The following ARHGAP26 variants were observed in gnomAD, a reference collection of about 807,000 sequenced individuals.
ARHGAP26 encodes the protein Rho GTPase activating protein 26, also known as rho GTPase-activating protein 26.
Under a neutral mutation model 104.8 loss-of-function variants are expected in ARHGAP26, and 38 were observed. The ratio of observed to expected loss-of-function variants is 0.36; its 90% CI spans 0.28 to 0.48. The LOEUF is 0.48. Among genes scored for constraint, ARHGAP26 ranks in the 20% least tolerant of loss-of-function variants. The probability of loss-of-function intolerance (pLI) is 0.99; values close to 1 mark genes in which losing one functional copy is unlikely to be tolerated. For synonymous variants in ARHGAP26, 341 were observed against 340.0 expected (o/e 1.00, Z -0.03); for missense variants, 704 against 947.9 (o/e 0.74, Z 3.38).
At chr5:143,066,367 G>A (rs1163867973) in intron 17 of ARHGAP26, among the ~76,000 whole-genome samples, 1 of 152,230 alleles carries the variant, frequency 6.6e-6, no homozygotes, top group East Asian at 1.9e-4. Flanking sequence ...GTTAAGCGAT[G>A]CGTGACTATA....
rs1191481192 is a variant in ARHGAP26 at position 143,228,199 on chromosome 5, A to G, written c.*5753A>G. The G allele has an allele frequency of 8.9e-6, 2 of 225,296 alleles. No homozygotes were observed. The highest frequency in any genetic ancestry group is 2.2e-5 in the African/African-American group (1 of 44,940). The allele number at this position is 225,296 out of a possible 1,614,324, so 14.0% of individuals were successfully genotyped here. A position where few individuals can be genotyped will look rare whatever the true frequency, so the allele number is the denominator to read the frequency against. ...ATCCAGATGCCAGAATCAACCTTGTATCTGACAATGCACATCTGTTGATTC... is the reference window on the plus strand; with the variant it reads ...ATCCAGATGCCAGAATCAACCTTGTGTCTGACAATGCACATCTGTTGATTC... On this transcript the variant is annotated 3_prime_UTR_variant, in exon 23 of 23. Transcript: ENST00000645722.
intron 12 of ARHGAP26, among the ~76,000 whole-genome samples, chr5:143,030,422 A>G (rs914783699): frequency 3.3e-5 from 5 of 152,178 alleles, no homozygotes; most frequent in Non-Finnish European, 7.4e-5. Flanking sequence ...TGTCCAGGAA[A>G]ACCTAAATTT....
At chr5:142,820,488 A>G (rs1044193990) in intron 1 of ARHGAP26, among the ~76,000 whole-genome samples, 1 of 152,172 alleles carries the variant, frequency 6.6e-6, no homozygotes, top group African/African-American at 2.4e-5. Context: ...CTCATATTGA[A>G]CATTGCCATC....
intron 17 of ARHGAP26, among the ~76,000 whole-genome samples, chr5:143,090,868 G>C (rs1483725221): frequency 6.6e-6 from 1 of 152,174 alleles, no homozygotes; most frequent in Non-Finnish European, 1.5e-5. Context: ...AATCTCCCCA[G>C]ATTAAATGGT....
chr5:142,958,612 A>G (rs1422433259), intron 11 of ARHGAP26, among the ~76,000 whole-genome samples: 2 of 152,214 alleles, frequency 1.3e-5, no homozygotes, highest in Non-Finnish European at 1.5e-5. Flanking sequence ...GGCTACAGTG[A>G]ACTGTGATCG....
At chr5:143,049,556 T>C (rs1484256628) in intron 14 of ARHGAP26, among the ~76,000 whole-genome samples, 1 of 152,164 alleles carries the variant, frequency 6.6e-6, no homozygotes, top group African/African-American at 2.4e-5. Flanking sequence ...TTTTTCAGAG[T>C]GCTTTGGTCT....
chr5:142,867,856 C>T (rs192365769), intron 1 of ARHGAP26: 1 of 152,106 alleles, frequency 6.6e-6, no homozygotes, highest in Non-Finnish European at 1.5e-5. Flanking sequence ...TCCTAACTTA[C>T]CTGCTTTTTT....
At chr5:143,045,528 T>C (rs775659460) in intron 14 of ARHGAP26, among the ~76,000 whole-genome samples, 20 of 152,194 alleles carry the variant, frequency 1.3e-4, no homozygotes, top group Non-Finnish European at 2.4e-4. Context: ...GAGTATAAAA[T>C]AAACATGGCA....
At chr5:143,020,929 T>C (rs1319437297) in intron 12 of ARHGAP26, among the ~76,000 whole-genome samples, 1 of 152,204 alleles carries the variant, frequency 6.6e-6, no homozygotes, top group Non-Finnish European at 1.5e-5. Flanking sequence ...CGTGAGCCAC[T>C]GCACCTGGCC....
intron 22 of ARHGAP26, among the ~76,000 whole-genome samples, chr5:143,221,300 G>A (rs910713873): frequency 6.6e-6 from 1 of 151,878 alleles, no homozygotes; most frequent in African/African-American, 2.4e-5. Flanking sequence ...GAGGGAGGAA[G>A]AGAAGAATTT....
At chr5:143,095,355 C>T (rs1435689023) in intron 17 of ARHGAP26, among the ~76,000 whole-genome samples, 1 of 152,066 alleles carries the variant, frequency 6.6e-6, no homozygotes, top group Non-Finnish European at 1.5e-5. Context: ...GTTCAAGATA[C>T]TATATTCTTA....
chr5:142,944,991 A>G (rs1224234599), intron 11 of ARHGAP26, among the ~76,000 whole-genome samples: 2 of 152,082 alleles, frequency 1.3e-5, no homozygotes, highest in African/African-American at 2.4e-5. Context: ...TGGCAGCCAA[A>G]TGTGCACTCC....
At chr5:143,106,034 C>T (rs1409945589) in intron 17 of ARHGAP26, among the ~76,000 whole-genome samples, 1 of 152,082 alleles carries the variant, frequency 6.6e-6, no homozygotes, top group Non-Finnish European at 1.5e-5. Flanking sequence ...CCTCTCCCCA[C>T]AAGTTTACCA....
At chr5:142,848,771 A>T (rs144495770) in intron 1 of ARHGAP26, among the ~76,000 whole-genome samples, 2,930 of 152,292 alleles carry the variant, frequency 0.019, 57 homozygotes, top group Non-Finnish European at 0.031. Flanking sequence ...ACAAAATTGG[A>T]AGTTCCTTAA....
rs531142727 is a variant in ARHGAP26 at position 143,227,222 on chromosome 5, A to G, written c.*4776A>G. On this transcript the variant is annotated 3_prime_UTR_variant, in exon 23 of 23. Transcript: ENST00000645722. ...CCAAGTACTGAATGTTTTGTGAGCA[A>G]CCATGTTCCCCAAGTAGGTAGCCAG... 3.9e-5 allele frequency: 9 copies of G among 229,942 alleles called. No individual in the cohort carries two copies. Among genetic ancestry groups the G allele is most frequent in the African/African-American group, 1.3e-4 (6 of 45,264 alleles). 14.2% of individuals were successfully genotyped at this position (229,942 alleles called of 1,614,324 possible). A position where few individuals can be genotyped will look rare whatever the true frequency, so the allele number is the denominator to read the frequency against.
At chr5:142,971,772 A>T (rs1772310845) in intron 11 of ARHGAP26, among the ~76,000 whole-genome samples, 1 of 152,196 alleles carries the variant, frequency 6.6e-6, no homozygotes, top group Admixed American at 6.5e-5. Context: ...TCAATTTAGC[A>T]CCAAGCTAAT....
chr5:143,145,266 T>C lies in ARHGAP26; in HGVS notation c.1838-1965T>C, dbSNP rs1490362307. On this transcript the variant is annotated intron_variant, in intron 19 of 22. Coordinates refer to ENST00000645722, the MANE Select transcript of ARHGAP26 (RefSeq NM_001135608.3). ...GGAGAAATGTGAGCAATAGTTATGC[T>C]CTTCTGTTCCCTAAGAATTCTGAGA... Among the ~76,000 whole-genome samples, 5 of 152,368 alleles carry C rather than the reference T, an allele frequency of 3.3e-5. No homozygotes were observed. In the South Asian group the frequency reaches 8.3e-4, roughly 25 times the overall value.
chr5:143,081,864 A>G (rs1375777507), intron 17 of ARHGAP26, among the ~76,000 whole-genome samples: 2 of 152,164 alleles, frequency 1.3e-5, no homozygotes, highest in African/African-American at 2.4e-5. Flanking sequence ...ATACAAAAAA[A>G]TTAGCCGGGC....
chr5:142,785,357 C>T (rs1207328254), intron 1 of ARHGAP26, among the ~76,000 whole-genome samples: 1 of 152,244 alleles, frequency 6.6e-6, no homozygotes, highest in Non-Finnish European at 1.5e-5. Context: ...ATGTTCCGAC[C>T]TGGCACTGTT....
Sources: allele counts gnomAD v4.1 joint callset (sites outside exome capture counted in the v4.1 genomes callset), GRCh38; gene constraint gnomAD v4.1.1; transcripts MANE v1.5; gene names NCBI Gene and HGNC (gene_info 2026-07-23, HGNC 2026-07-21).